ATF7IP2: variants seen among roughly 807,000 people sequenced by gnomAD.
ATF7IP2 encodes the protein activating transcription factor 7-interacting protein 2.
In ATF7IP2, 42 loss-of-function variants were observed where a neutral mutation model predicts 64.2. That is an observed-to-expected ratio of 0.65 (90% CI 0.51 to 0.85). ATF7IP2 has a LOEUF of 0.85. Ranked by LOEUF, ATF7IP2 falls within the 40% of genes least tolerant of loss-of-function variation. ATF7IP2 has a pLI of 0.00. For missense variants in ATF7IP2, 933 were observed against 784.2 expected, an observed-to-expected ratio of 1.19 and a Z score of -2.27; for synonymous variants, 308 against 272.8, an observed-to-expected ratio of 1.13 and a Z score of -1.27.
At chr16:10,468,516 G>A (rs117559300) in intron 9 of ATF7IP2, among the ~76,000 whole-genome samples, 1 of 152,186 alleles carries the variant, frequency 6.6e-6, no homozygotes, top group Admixed American at 6.5e-5. Context: ...CCAGCTTCCT[G>A]CCTGGAGGCA....
chr16:10,387,606 T>G (rs1596406088), intron 1 of ATF7IP2: 2 of 152,250 alleles, frequency 1.3e-5, no homozygotes, highest in African/African-American at 4.8e-5. Flanking sequence ...ACGAAACTAT[T>G]GCATGATCCC....
At chr16:10,452,845 G>A (rs367873306) in intron 8 of ATF7IP2, among the ~76,000 whole-genome samples, 3 of 152,122 alleles carry the variant, frequency 2.0e-5, no homozygotes, top group South Asian at 2.1e-4. Context: ...CAGTGGGCTC[G>A]GCCCAGTTCA....
At chr16:10,442,986 G>A (rs890483354) in intron 8 of ATF7IP2, among the ~76,000 whole-genome samples, 10 of 152,148 alleles carry the variant, frequency 6.6e-5, no homozygotes, top group African/African-American at 2.2e-4. Flanking sequence ...CTATATAAAC[G>A]TGAGAATCAA....
chr16:10,466,578 A>C (rs780542707), intron 9 of ATF7IP2, among the ~76,000 whole-genome samples: 1 of 152,158 alleles, frequency 6.6e-6, no homozygotes, highest in African/African-American at 2.4e-5. Context: ...ATAGCATCAC[A>C]TTGTGGTTTT....
chr16:10,410,118 G>A (rs927692133), intron 1 of ATF7IP2, among the ~76,000 whole-genome samples: 1 of 152,070 alleles, frequency 6.6e-6, no homozygotes, highest in Non-Finnish European at 1.5e-5. Flanking sequence ...AGAAGATGGT[G>A]GTATTTTGAT....
intron 4 of ATF7IP2, among the ~76,000 whole-genome samples, chr16:10,429,982 A>AG (rs2048192501): frequency 6.6e-6 from 1 of 151,656 alleles, no homozygotes; most frequent in African/African-American, 2.4e-5. Flanking sequence ...CCTGCCGAGT[A>AG]GCTTGGGATT....
chr16:10,413,375 C>T (rs1450513517), intron 1 of ATF7IP2, among the ~76,000 whole-genome samples: 1 of 152,164 alleles, frequency 6.6e-6, no homozygotes, highest in African/African-American at 2.4e-5. Context: ...TCATTTTTCT[C>T]TTGCCACTGC....
chr16:10,466,000 A>G (rs1445361717), intron 9 of ATF7IP2, among the ~76,000 whole-genome samples: 1 of 152,184 alleles, frequency 6.6e-6, no homozygotes, highest in Non-Finnish European at 1.5e-5. Flanking sequence ...ACCCAGATTA[A>G]GAAACACCAA....
intron 9 of ATF7IP2, among the ~76,000 whole-genome samples, chr16:10,466,872 T>C (rs1191827374): frequency 6.6e-6 from 1 of 152,180 alleles, no homozygotes; most frequent in African/African-American, 2.4e-5. Flanking sequence ...TTTTTAAAAT[T>C]ATTAATCATG....
At chr16:10,481,685 G>C (rs544504105) in intron 13 of ATF7IP2, 151 bp from the exon 14 acceptor site, 2 of 632,654 alleles carry the variant, frequency 3.2e-6, no homozygotes, top group Non-Finnish European at 5.2e-6. Flanking sequence ...TCCAAAAGAG[G>C]ATTCTGCTTA....
chr16:10,428,598 G>A (rs1472714477), intron 3 of ATF7IP2, among the ~76,000 whole-genome samples: 1 of 152,160 alleles, frequency 6.6e-6, no homozygotes, highest in African/African-American at 2.4e-5. Context: ...TCTGGATGTA[G>A]GTAATTATAG....
chr16:10,432,220 G>A (rs1164307150), intron 5 of ATF7IP2, among the ~76,000 whole-genome samples: 1 of 152,046 alleles, frequency 6.6e-6, no homozygotes, highest in African/African-American at 2.4e-5. Context: ...GTATATGTGT[G>A]TGTAGAGAAA....
intron 9 of ATF7IP2, among the ~76,000 whole-genome samples, chr16:10,459,593 G>C (rs922312807): frequency 2.6e-5 from 4 of 152,162 alleles, no homozygotes; most frequent in African/African-American, 9.7e-5. Flanking sequence ...GCTGCAGTGA[G>C]CTGAGATCAC....
intron 8 of ATF7IP2, among the ~76,000 whole-genome samples, chr16:10,453,019 C>T (rs563041165): frequency 6.6e-6 from 1 of 152,290 alleles, no homozygotes; most frequent in Non-Finnish European, 1.5e-5. Flanking sequence ...GCTAGCTGGG[C>T]TCCGTGTGGG....
rs552096393 is a variant in ATF7IP2, at chr16:10,406,116, A to AT, written c.-241-8451dup. ...AAAAAAAAAAGAAAAGCTTCAAATA[A>AT]TTTTTTTCATAGAATATTTTACTCT... On this transcript the variant is annotated intron_variant, in intron 1 of 13. Transcript: ENST00000562102. Among the ~76,000 whole-genome samples the AT allele has an allele frequency of 2.2e-3, 338 of 151,942 alleles. 4 individuals are homozygous for AT. The highest frequency in any genetic ancestry group is 7.8e-3 in the African/African-American group (325 of 41,436).
At chr16:10,470,776 C>CT (rs1330378490) in intron 9 of ATF7IP2, among the ~76,000 whole-genome samples, 3 of 150,116 alleles carry the variant, frequency 2.0e-5, no homozygotes, top group African/African-American at 4.9e-5. Flanking sequence ...GAGCACGAGT[C>CT]TGTCTCTTAA....
In ATF7IP2 at chr16:10,441,298, T is replaced by C. The variant is rs1190233978; in HGVS notation, c.1194+836T>C. ...GGATTGCTGGGTCATGTGGTAGTTC[T>C]GGTTCTATAGATCCTTGAGGAATCG... On this transcript the variant is annotated intron_variant, in intron 8 of 13. Coordinates refer to ENST00000562102, the MANE Select transcript of ATF7IP2 (RefSeq NM_001393719.1). 3.9e-5 allele frequency among the ~76,000 whole-genome samples: 6 copies of C among 152,360 alleles called. No homozygotes were observed. The East Asian group carries it at 7.7e-4, about 20-fold the overall frequency.
At chr16:10,438,868 C>A (rs1347877754) in intron 7 of ATF7IP2, among the ~76,000 whole-genome samples, 1 of 152,008 alleles carries the variant, frequency 6.6e-6, no homozygotes, top group East Asian at 1.9e-4. Context: ...TCCTGGGCAA[C>A]ATAGTGAAAC....
chr16:10,482,810 C>G lies in ATF7IP2; in HGVS notation c.*561C>G, dbSNP rs1433533284. On this transcript the variant is annotated 3_prime_UTR_variant, in exon 14 of 14. Coordinates refer to ENST00000562102, the MANE Select transcript of ATF7IP2 (RefSeq NM_001393719.1). ...AGTGGTCACTGCAACCTCCATCTCC[C>G]TGGTTCAAGCAATTCTCCTATGTCA... is the stretch of plus-strand genomic sequence containing the variant. 1.3e-5 allele frequency: 2 copies of G among 152,204 alleles called. No homozygotes were observed. Among genetic ancestry groups the G allele is most frequent in the East Asian group, 3.9e-4 (2 of 5,192 alleles). 9.4% of individuals were successfully genotyped at this position (152,204 alleles called of 1,614,324 possible). A position where few individuals can be genotyped will look rare whatever the true frequency, so the allele number is the denominator to read the frequency against.
Sources: gnomAD v4.1 joint callset for allele counts (sites outside exome capture counted in the v4.1 genomes callset) on GRCh38, gnomAD v4.1.1 for gene constraint, MANE v1.5 for transcripts, NCBI Gene and HGNC (gene_info 2026-07-23, HGNC 2026-07-21) for gene names.